The following CFAP74 variants were observed in gnomAD, a reference collection of about 807,000 sequenced individuals.
The protein encoded by CFAP74 is cilia and flagella associated protein 74.
Under a neutral mutation model 188.9 loss-of-function variants are expected in CFAP74, and 124 were observed. The ratio of observed to expected loss-of-function variants is 0.66; its 90% CI spans 0.57 to 0.76. The LOEUF is 0.76. Ranked by LOEUF, CFAP74 falls within the 30% of genes least tolerant of loss-of-function variation. The pLI, the probability that CFAP74 is intolerant of heterozygous loss-of-function variation, is 0.00. For synonymous variants in CFAP74, 956 were observed against 916.7 expected (o/e 1.04, Z -0.77); for missense variants, 2,198 against 2,165.2 (o/e 1.02, Z -0.30).
intron 21 of CFAP74, among the ~76,000 whole-genome samples, chr1:1,943,809 C>T (rs1239752742): frequency 6.6e-6 from 1 of 152,238 alleles, no homozygotes; most frequent in Non-Finnish European, 1.5e-5. Context: ...AGGTCAGAAG[C>T]CAAGACGGAG....
In CFAP74 at chr1:1,947,019, C is replaced by T. The variant is rs865806875; in HGVS notation, c.2212G>A (p.Glu738Lys). 52 of 1,535,972 alleles carry T rather than the reference C, an allele frequency of 3.4e-5. No homozygotes were observed. The highest frequency in any genetic ancestry group is 2.0e-4 in the Admixed American group (10 of 50,990). ...ERLTTVIPPSEEQTEITLGEV... is the reference protein window; with the variant it reads ...ERLTTVIPPSKEQTEITLGEV... ...CCCAGCGTGATCTCCGTCTGCTCTT[C>T]GCTGGGAGGTATCACTGTGGTTAAT... is the stretch of plus-strand genomic sequence containing the variant. Residue 738 changes from glutamate to lysine, a missense_variant, in exon 19 of 39, where the codon GAA becomes AAA. By Grantham distance (56) the Glu-to-Lys change is moderately conservative. Transcript: ENST00000682832.
chr1:1,983,685 C>CT (rs1558057852), intron 6 of CFAP74: 1 of 152,262 alleles, frequency 6.6e-6, no homozygotes, highest in African/African-American at 2.4e-5. Context: ...CAAAATAAAA[C>CT]TTTATTTATT....
chr1:1,941,258 C>T (rs1653356655), intron 22 of CFAP74, among the ~76,000 whole-genome samples: 1 of 152,228 alleles, frequency 6.6e-6, no homozygotes. Context: ...CCCTCCTAGT[C>T]CCACCAGGCC....
intron 25 of CFAP74, among the ~76,000 whole-genome samples, chr1:1,938,295 C>T (rs1266331855): frequency 2.6e-5 from 4 of 151,076 alleles, no homozygotes; most frequent in African/African-American, 7.3e-5. Context: ...TCACACTCAA[C>T]CTTACACACC....
At chr1:1,922,751 G>A (rs777927751) in intron 37 of CFAP74, 28 bp from the exon 38 acceptor site, 1 of 1,594,600 alleles carries the variant, frequency 6.3e-7, no homozygotes, top group South Asian at 1.1e-5. Flanking sequence ...CCTGTAGGCT[G>A]GCGACCAGGC....
Position 1,985,599 on chromosome 1 carries a change from C to T in CFAP74, c.396-109G>A, listed in dbSNP as rs1200034112. On this transcript the variant is annotated intron_variant, in intron 5 of 38. Coordinates refer to ENST00000682832, the MANE Select transcript of CFAP74 (RefSeq NM_001304360.2). Reference sequence around the variant, plus strand: ...CTCCTCTCGCTCAGGAGGGAAATCTCGGCACTGGGCCACCTAGCCAATGGA... The same window carrying T: ...CTCCTCTCGCTCAGGAGGGAAATCTTGGCACTGGGCCACCTAGCCAATGGA... 40 of 840,442 alleles carry T rather than the reference C, an allele frequency of 4.8e-5. No homozygotes were observed. The Admixed American group carries it at 7.6e-4, about 16-fold the overall frequency. The allele number at this position is 840,442 out of a possible 1,614,324, so 52.1% of individuals were successfully genotyped here.
intron 1 of CFAP74, among the ~76,000 whole-genome samples, chr1:1,998,734 G>A (rs1241471096): frequency 4.6e-5 from 7 of 151,624 alleles, no homozygotes; most frequent in African/African-American, 1.5e-4. Flanking sequence ...AAAATTAGCC[G>A]GGCGTGGTGG....
intron 1 of CFAP74, among the ~76,000 whole-genome samples, chr1:1,999,950 G>C (rs1181044425): frequency 6.6e-6 from 1 of 152,160 alleles, no homozygotes; most frequent in Non-Finnish European, 1.5e-5. Context: ...CGGATCATGA[G>C]GTCAGGAGAT....
At chr1:1,970,533 C>A (rs1255646440) in intron 10 of CFAP74, 126 bp downstream of exon 10, 1 of 1,095,338 alleles carries the variant, frequency 9.1e-7, no homozygotes, top group Non-Finnish European at 1.3e-6. Flanking sequence ...TGCCCCACAG[C>A]CGCCTGAGTG....
rs758368682 is a variant in CFAP74 at position 1,955,756 on chromosome 1, GC to G, written c.2110del (p.Ala704ArgfsTer27). The G allele has an allele frequency of 1.9e-6, 3 of 1,614,068 alleles. No individual in the cohort carries two copies. The African/African-American group carries it at 4.0e-5, about 22-fold the overall frequency. ...QQLEGTESSQ[A>X]DMQSRKELEK... is the part of the protein sequence containing the mutation. ...CAGCTCCTTCCGGCTCTGCATGTCC[GC>G]CTGGGAGGACTCCGTGCCCTCTAGC... is the stretch of plus-strand genomic sequence containing the variant. On this transcript the variant is annotated frameshift_variant, in exon 18 of 39. Transcript: ENST00000682832. LOFTEE classifies it high-confidence loss of function.
At chr1:1,995,680 T>C (rs1279866347) in intron 1 of CFAP74, among the ~76,000 whole-genome samples, 1 of 151,580 alleles carries the variant, frequency 6.6e-6, no homozygotes, top group African/African-American at 2.4e-5. Flanking sequence ...GAGGCAGAGG[T>C]GGGTGGATCA....
chr1:1,926,154 C>T, intron 32 of CFAP74, 74 bp downstream of exon 32: 1 of 1,456,636 alleles, frequency 6.9e-7, no homozygotes, highest in Non-Finnish European at 9.1e-7. Flanking sequence ...TGATGCCCGC[C>T]CCGGCCAGTG....
chr1:1,980,646 TGCCAGCCCATG>T (rs1223302894), intron 6 of CFAP74, among the ~76,000 whole-genome samples: 1 of 152,242 alleles, frequency 6.6e-6, no homozygotes, highest in Admixed American at 6.5e-5. Flanking sequence ...CAGACGCTTC[TGCCAGCCCATG>T]GCCCCTTGCG....
At chr1:1,958,349 C>T (rs1654812958) in intron 16 of CFAP74, among the ~76,000 whole-genome samples, 1 of 152,212 alleles carries the variant, frequency 6.6e-6, no homozygotes, top group African/African-American at 2.4e-5. Flanking sequence ...CTTGCCTTGA[C>T]CTGAGAATTC....
chr1:1,963,830 G>A lies in CFAP74; in HGVS notation c.1613C>T (p.Thr538Met), dbSNP rs202004586. Residue 538 changes from threonine to methionine, a missense_variant, in exon 14 of 39, where the codon ACG becomes ATG. Physicochemically the swap from Thr to Met is moderately conservative, Grantham distance 81. Coordinates refer to ENST00000682832, the MANE Select transcript of CFAP74 (RefSeq NM_001304360.2). ...DIGKVYKKKI[T>M]LVNTTYTINY... ...GATCGTGTAGGTGGTGTTTACCAAC[G>A]TGATCTTTTTCTTGTACACTTTGCC... 128 of 1,613,674 alleles carry A rather than the reference G, an allele frequency of 7.9e-5. No homozygotes were observed. Among genetic ancestry groups the A allele is most frequent in the Middle Eastern group, 1.6e-4 (1 of 6,082 alleles).
intron 9 of CFAP74, 95 bp from the exon 10 acceptor site, chr1:1,970,911 G>C: frequency 6.9e-7 from 1 of 1,444,970 alleles, no homozygotes. Flanking sequence ...GTTCATACAT[G>C]CACACGTGCA....
intron 14 of CFAP74, among the ~76,000 whole-genome samples, chr1:1,961,351 C>A (rs545771286): frequency 2.0e-5 from 3 of 152,116 alleles, no homozygotes; most frequent in Admixed American, 6.6e-5. Flanking sequence ...AGCAGAGCTG[C>A]GGGACATTAA....
At chr1:1,950,940 G>A (rs1570894787) in intron 18 of CFAP74, among the ~76,000 whole-genome samples, 1 of 152,100 alleles carries the variant, frequency 6.6e-6, no homozygotes, top group African/African-American at 2.4e-5. Context: ...TATATTTTTA[G>A]GCTTAACTTT....
chr1:1,989,256 A>C (rs1201221549), intron 2 of CFAP74, among the ~76,000 whole-genome samples: 1 of 152,158 alleles, frequency 6.6e-6, no homozygotes, highest in Non-Finnish European at 1.5e-5. Flanking sequence ...AGAAAGAGTT[A>C]AGCTGCTGAC....
Sources: allele counts gnomAD v4.1 joint callset (sites outside exome capture counted in the v4.1 genomes callset), GRCh38; gene constraint gnomAD v4.1.1; transcripts MANE v1.5; gene names NCBI Gene and HGNC (gene_info 2026-07-23, HGNC 2026-07-21).